The following TMEM163 variants were observed in gnomAD, a reference collection of about 807,000 sequenced individuals.
TMEM163 encodes transmembrane protein 163.
In TMEM163, 17 loss-of-function variants were observed where a neutral mutation model predicts 29.3. That is an observed-to-expected ratio of 0.58 (90% CI 0.40 to 0.87). The LOEUF (loss-of-function observed/expected upper bound fraction) is 0.87, where lower values mean the gene tolerates loss of function less well. Ranked by LOEUF, TMEM163 falls within the 40% of genes least tolerant of loss-of-function variation. The pLI, the probability that TMEM163 is intolerant of heterozygous loss-of-function variation, is 0.00. For synonymous variants in TMEM163, 157 were observed against 160.6 expected, an observed-to-expected ratio of 0.98 and a Z score of 0.17; for missense variants, 303 against 381.5, an observed-to-expected ratio of 0.79 and a Z score of 1.71.
chr2:134,599,527 C>T (rs759792572), intron 2 of TMEM163, among the ~76,000 whole-genome samples: 1 of 151,954 alleles, frequency 6.6e-6, no homozygotes, highest in Non-Finnish European at 1.5e-5. Flanking sequence ...AGAACCTGAT[C>T]GTACACCCTC....
intron 4 of TMEM163, among the ~76,000 whole-genome samples, chr2:134,549,216 C>T (rs891064431): frequency 3.3e-5 from 5 of 151,998 alleles, no homozygotes; most frequent in African/African-American, 1.2e-4. Flanking sequence ...ATTAGTGAGT[C>T]AGTTATGGTG....
intron 2 of TMEM163, among the ~76,000 whole-genome samples, chr2:134,572,928 A>T (rs1198744968): frequency 6.6e-6 from 1 of 152,192 alleles, no homozygotes; most frequent in Non-Finnish European, 1.5e-5. Context: ...TTTTAAATAT[A>T]TGCAGTTACC....
chr2:134,496,168 T>C (rs1679554589), intron 5 of TMEM163, among the ~76,000 whole-genome samples: 1 of 151,844 alleles, frequency 6.6e-6, no homozygotes, highest in Non-Finnish European at 1.5e-5. Context: ...TTCAACCAAT[T>C]CTCCTGCCTC....
intron 2 of TMEM163, among the ~76,000 whole-genome samples, chr2:134,643,381 T>A (rs1210278072): frequency 6.6e-6 from 1 of 152,052 alleles, no homozygotes; most frequent in Non-Finnish European, 1.5e-5. Flanking sequence ...GCCCAGGTAG[T>A]TTCACTAGCA....
chr2:134,688,057 C>T (rs533687100), intron 2 of TMEM163, among the ~76,000 whole-genome samples: 7 of 152,248 alleles, frequency 4.6e-5, no homozygotes, highest in Admixed American at 1.3e-4. Context: ...AAGCCACTAC[C>T]GGCCGCTCAA....
At chr2:134,519,964 G>A (rs1392312913) in intron 4 of TMEM163, among the ~76,000 whole-genome samples, 3 of 151,734 alleles carry the variant, frequency 2.0e-5, no homozygotes, top group Admixed American at 6.6e-5. Flanking sequence ...GGGGAGGGAG[G>A]CAAATGTGAA....
chr2:134,555,590 G>A (rs921194108), intron 2 of TMEM163, among the ~76,000 whole-genome samples: 1 of 152,256 alleles, frequency 6.6e-6, no homozygotes, highest in African/African-American at 2.4e-5. Flanking sequence ...GTGGGGCGGA[G>A]CTCTCCTATG....
In TMEM163 at chr2:134,498,258, G is replaced by C. The variant is rs76091863; in HGVS notation, c.555+4643C>G. Among the ~76,000 whole-genome samples, 86 of 152,070 alleles carry C rather than the reference G, an allele frequency of 5.7e-4. 2 individuals carry two copies. The highest frequency in any genetic ancestry group is 2.0e-3 in the African/African-American group (84 of 41,482). On this transcript the variant is annotated intron_variant, in intron 5 of 7. Transcript: ENST00000281924. The stretch of plus-strand genomic sequence containing the variant: ...CACCATGCTCAGCAGCTTCACTCCA[G>C]CGCCACCCTCCACGTGCTCCACGCA...
At chr2:134,519,087 G>A (rs775955217) in intron 4 of TMEM163, among the ~76,000 whole-genome samples, 6 of 152,114 alleles carry the variant, frequency 3.9e-5, no homozygotes, top group Admixed American at 1.3e-4. Flanking sequence ...GGACTCAAAC[G>A]TCCAACCAAA....
chr2:134,680,960 T>C (rs925025043), intron 2 of TMEM163, among the ~76,000 whole-genome samples: 1 of 152,174 alleles, frequency 6.6e-6, no homozygotes, highest in Non-Finnish European at 1.5e-5. Flanking sequence ...CTTCTCAACC[T>C]CTGGAAACTA....
intron 2 of TMEM163, among the ~76,000 whole-genome samples, chr2:134,616,763 T>C (rs1682617153): frequency 6.6e-6 from 1 of 152,208 alleles, no homozygotes; most frequent in Non-Finnish European, 1.5e-5. Context: ...ATGTTAACAT[T>C]GGAGGAGACT....
rs1198023151 is a variant in TMEM163, at chr2:134,650,544, G to GT, written c.322+62655dup. Among the ~76,000 whole-genome samples the GT allele has an allele frequency of 2.1e-5, 3 of 143,224 alleles. No individual in the cohort carries two copies. In the East Asian group the frequency reaches 5.9e-4, roughly 28 times the overall value. The allele number at this position is 143,224 out of a possible 152,430, so 94.0% of individuals were successfully genotyped here. On this transcript the variant is annotated intron_variant, in intron 2 of 7. Coordinates refer to ENST00000281924, the MANE Select transcript of TMEM163 (RefSeq NM_030923.5). ...TGTTTGTTTGTTTGTTTTGTTTTTT[G>GT]TTTTTTTATTATACTTTAAGTTTTA...
At chr2:134,639,381 C>T (rs1351638035) in intron 2 of TMEM163, among the ~76,000 whole-genome samples, 1 of 152,222 alleles carries the variant, frequency 6.6e-6, no homozygotes, top group Non-Finnish European at 1.5e-5. Flanking sequence ...ATCATCATGA[C>T]TGCTGAGAGA....
intron 3 of TMEM163, among the ~76,000 whole-genome samples, chr2:134,551,479 G>A (rs1343580968): frequency 1.3e-5 from 2 of 152,048 alleles, no homozygotes; most frequent in East Asian, 1.9e-4. Flanking sequence ...TCTCTTTATG[G>A]GTCACTACAC....
At chr2:134,584,766 T>G (rs1681775714) in intron 2 of TMEM163, among the ~76,000 whole-genome samples, 1 of 152,146 alleles carries the variant, frequency 6.6e-6, no homozygotes, top group African/African-American at 2.4e-5. Context: ...AAATGTTCAT[T>G]CAAATTATCT....
intron 6 of TMEM163, among the ~76,000 whole-genome samples, chr2:134,463,792 C>T (rs918027491): frequency 6.6e-6 from 1 of 152,134 alleles, no homozygotes; most frequent in Non-Finnish European, 1.5e-5. Context: ...CCAGCCAGTG[C>T]GGCACCTAAC....
intron 2 of TMEM163, among the ~76,000 whole-genome samples, chr2:134,666,441 G>A (rs934939958): frequency 3.3e-5 from 5 of 152,248 alleles, no homozygotes; most frequent in African/African-American, 9.6e-5. Flanking sequence ...AGCTGCTGAC[G>A]TTTCTGCCTC....
chr2:134,509,931 T>C (rs1679911880), intron 4 of TMEM163, among the ~76,000 whole-genome samples: 1 of 152,148 alleles, frequency 6.6e-6, no homozygotes, highest in South Asian at 2.1e-4. Context: ...CAGAGGAAAT[T>C]TTATGGACTA....
intron 2 of TMEM163, among the ~76,000 whole-genome samples, chr2:134,594,823 T>C (rs968659722): frequency 4.0e-5 from 6 of 151,660 alleles, no homozygotes; most frequent in Non-Finnish European, 8.8e-5. Flanking sequence ...GGTACAATAA[T>C]ATGCTACATG....
Sources: allele counts gnomAD v4.1 joint callset (sites outside exome capture counted in the v4.1 genomes callset), GRCh38; gene constraint gnomAD v4.1.1; transcripts MANE v1.5; gene names NCBI Gene and HGNC (gene_info 2026-07-23, HGNC 2026-07-21).